The following KCNIP4 variants were observed in gnomAD, a reference collection of about 807,000 sequenced individuals.
The protein encoded by KCNIP4 is potassium voltage-gated channel interacting protein 4.
Under a neutral mutation model 34.0 loss-of-function variants are expected in KCNIP4, and 12 were observed. The observed-to-expected ratio is 0.35, with a 90% CI of 0.23 to 0.57. The LOEUF is 0.57. Ranked by LOEUF, KCNIP4 falls within the 20% of genes least tolerant of loss-of-function variation. KCNIP4 has a pLI of 0.83. For missense variants in KCNIP4, 238 were observed against 311.7 expected, an observed-to-expected ratio of 0.76 and a Z score of 1.78; for synonymous variants, 124 against 102.2, an observed-to-expected ratio of 1.21 and a Z score of -1.29.
At chr4:21,539,730 C>T (rs1307827645) in intron 1 of KCNIP4, among the ~76,000 whole-genome samples, 1 of 152,066 alleles carries the variant, frequency 6.6e-6, no homozygotes, top group Non-Finnish European at 1.5e-5. Context: ...TTTGTAATCC[C>T]AGCACTTTGG....
At chr4:21,885,457 C>T (rs1578109810) in intron 1 of KCNIP4, among the ~76,000 whole-genome samples, 3 of 152,108 alleles carry the variant, frequency 2.0e-5, no homozygotes, top group Non-Finnish European at 2.9e-5. Context: ...CCTTGATCTA[C>T]AACTCTTTCT....
At chr4:21,436,700 C>T (rs555131320) in intron 1 of KCNIP4, among the ~76,000 whole-genome samples, 1 of 152,214 alleles carries the variant, frequency 6.6e-6, no homozygotes, top group South Asian at 2.1e-4. Context: ...AATAGATGGA[C>T]CTACTGAGAT....
chr4:20,747,329 A>G (rs1320924433), intron 5 of KCNIP4, among the ~76,000 whole-genome samples: 2 of 152,216 alleles, frequency 1.3e-5, no homozygotes, highest in African/African-American at 4.8e-5. Flanking sequence ...GAAGCCAGCT[A>G]TAAAAGTTTA....
intron 1 of KCNIP4, among the ~76,000 whole-genome samples, chr4:21,482,914 A>C (rs1731563621): frequency 6.6e-6 from 1 of 152,222 alleles, no homozygotes; most frequent in East Asian, 1.9e-4. Flanking sequence ...GCAGCCATAA[A>C]AAATGATGAG....
At chr4:21,733,173 C>T (rs186627838) in intron 1 of KCNIP4, among the ~76,000 whole-genome samples, 5 of 152,192 alleles carry the variant, frequency 3.3e-5, no homozygotes, top group Non-Finnish European at 7.4e-5. Context: ...ATGCGCCAAT[C>T]CCAATTTTTA....
At chr4:21,186,972 G>A (rs1266256594) in intron 1 of KCNIP4, among the ~76,000 whole-genome samples, 4 of 152,014 alleles carry the variant, frequency 2.6e-5, no homozygotes, top group African/African-American at 9.7e-5. Context: ...AACTTCACAG[G>A]ATTTAGAAAA....
At chr4:20,758,983 A>C (rs1457859545) in intron 3 of KCNIP4, 93 bp from the exon 4 acceptor site, 1 of 873,020 alleles carries the variant, frequency 1.1e-6, no homozygotes, top group African/African-American at 1.7e-5. Context: ...TACCATGCAA[A>C]GCTGCACCAA....
At chr4:20,740,134 G>T (rs1750706603) in intron 5 of KCNIP4, among the ~76,000 whole-genome samples, 2 of 152,170 alleles carry the variant, frequency 1.3e-5, no homozygotes, top group African/African-American at 2.4e-5. Flanking sequence ...GTGACGGGGA[G>T]AATTGAACCA....
intron 1 of KCNIP4, among the ~76,000 whole-genome samples, chr4:21,617,371 AAAT>A (rs1325380694): frequency 3.3e-5 from 5 of 152,226 alleles, no homozygotes; most frequent in African/African-American, 1.2e-4. Flanking sequence ...AAGTGAATTT[AAAT>A]ATTATGTCAA....
At chr4:21,643,252 A>C (rs572356670) in intron 1 of KCNIP4, among the ~76,000 whole-genome samples, 2 of 152,328 alleles carry the variant, frequency 1.3e-5, no homozygotes, top group Middle Eastern at 6.8e-3. Flanking sequence ...GTACTTAAGT[A>C]ATGTTAACTT....
intron 1 of KCNIP4, among the ~76,000 whole-genome samples, chr4:21,767,968 T>C (rs1718535436): frequency 6.6e-6 from 1 of 152,124 alleles, no homozygotes; most frequent in Admixed American, 6.6e-5. Flanking sequence ...GAAGCCATTC[T>C]TCTAACTTCA....
intron 1 of KCNIP4, among the ~76,000 whole-genome samples, chr4:21,269,876 C>T (rs1245482577): frequency 1.3e-5 from 2 of 152,116 alleles, no homozygotes; most frequent in Non-Finnish European, 2.9e-5. Flanking sequence ...ATTCTCATTA[C>T]CTGTATGATT....
chr4:21,028,502 T>C (rs1163537201), intron 1 of KCNIP4, among the ~76,000 whole-genome samples: 2 of 152,246 alleles, frequency 1.3e-5, no homozygotes, highest in Non-Finnish European at 2.9e-5. Flanking sequence ...AACATGTTCC[T>C]GATCCAATGT....
chr4:21,830,792 T>C (rs1722936694), intron 1 of KCNIP4, among the ~76,000 whole-genome samples: 1 of 152,164 alleles, frequency 6.6e-6, no homozygotes, highest in Non-Finnish European at 1.5e-5. Flanking sequence ...TTAAAGTATA[T>C]GTTAGGTCAA....
At chr4:20,778,905 A>G (rs1355779083) in intron 3 of KCNIP4, among the ~76,000 whole-genome samples, 1 of 152,130 alleles carries the variant, frequency 6.6e-6, no homozygotes. Context: ...ATTTGGAATG[A>G]GTATGTCTTC....
At chr4:20,896,961 T>C (rs1342181703) in intron 1 of KCNIP4, among the ~76,000 whole-genome samples, 1 of 151,784 alleles carries the variant, frequency 6.6e-6, no homozygotes, top group Non-Finnish European at 1.5e-5. Flanking sequence ...ACTGCCAAGC[T>C]CACTCATCCC....
chr4:21,061,147 C>T (rs1273650373), intron 1 of KCNIP4, among the ~76,000 whole-genome samples: 1 of 152,072 alleles, frequency 6.6e-6, no homozygotes, highest in African/African-American at 2.4e-5. Context: ...ACTGCTTAAC[C>T]CCCATTCTCT....
chr4:21,128,619 A>C (rs989515422), intron 1 of KCNIP4, among the ~76,000 whole-genome samples: 5 of 152,200 alleles, frequency 3.3e-5, no homozygotes, highest in Admixed American at 2.6e-4. Context: ...CTTGCCACAT[A>C]GTAGGTGATC....
At chr4:21,047,556 A>G (rs1234752047) in intron 1 of KCNIP4, among the ~76,000 whole-genome samples, 1 of 152,196 alleles carries the variant, frequency 6.6e-6, no homozygotes, top group South Asian at 2.1e-4. Context: ...ATAAATAGAA[A>G]GCAGAAGAGC....
Sources: allele counts gnomAD v4.1 joint callset (sites outside exome capture counted in the v4.1 genomes callset), GRCh38; gene constraint gnomAD v4.1.1; transcripts MANE v1.5; gene names NCBI Gene and HGNC (gene_info 2026-07-23, HGNC 2026-07-21).